The following SCHIP1 variants were observed in gnomAD, a reference collection of about 807,000 sequenced individuals.
SCHIP1 encodes the protein schwannomin interacting protein 1.
Under a neutral mutation model 29.7 loss-of-function variants are expected in SCHIP1, and 8 were observed. The observed-to-expected ratio is 0.27, with a 90% CI of 0.16 to 0.49. The LOEUF is 0.49. Ranked by LOEUF, SCHIP1 falls within the 20% of genes least tolerant of loss-of-function variation. The pLI, the probability that SCHIP1 is intolerant of heterozygous loss-of-function variation, is 0.99. For missense variants in SCHIP1, 193 were observed against 294.6 expected (o/e 0.66, Z 2.52); for synonymous variants, 76 against 94.9 (o/e 0.80, Z 1.16).
At chr3:159,574,785 C>A in the SCHIP1 span, among the ~76,000 whole-genome samples, 1 of 152,238 alleles carries the variant, frequency 6.6e-6, no homozygotes, top group Non-Finnish European at 1.5e-5. Flanking sequence ...AGCTTCCCAG[C>A]CACTATGTTT....
the SCHIP1 span, among the ~76,000 whole-genome samples, chr3:159,384,578 GT>G: frequency 6.6e-6 from 1 of 151,302 alleles, no homozygotes; most frequent in South Asian, 2.1e-4. Flanking sequence ...CTCTTTTTTG[GT>G]TGTGTCTCTG....
the SCHIP1 span, chr3:159,273,848 A>C: frequency 1.9e-6 from 3 of 1,613,592 alleles, no homozygotes; most frequent in Non-Finnish European, 1.7e-6. Flanking sequence ...GCGTGTTACA[A>C]CGTGGGACTG....
At chr3:159,282,708 C>G in the SCHIP1 span, 2 of 145,648 alleles carry the variant, frequency 1.4e-5, no homozygotes, top group Non-Finnish European at 3.1e-5. Context: ...TAGCAGAGAA[C>G]AAAGGACTCA....
At chr3:159,374,497 C>T in the SCHIP1 span, among the ~76,000 whole-genome samples, 6 of 152,086 alleles carry the variant, frequency 3.9e-5, no homozygotes, top group African/African-American at 1.4e-4. Flanking sequence ...TCTTCGGTCA[C>T]TCCACATATC....
chr3:159,728,625 G>T, the SCHIP1 span, among the ~76,000 whole-genome samples: 1 of 152,208 alleles, frequency 6.6e-6, no homozygotes, highest in Non-Finnish European at 1.5e-5. Context: ...AGGCTGGGAT[G>T]GGTTACCTGC....
At chr3:159,677,720 C>A in the SCHIP1 span, among the ~76,000 whole-genome samples, 1 of 152,140 alleles carries the variant, frequency 6.6e-6, no homozygotes, top group Non-Finnish European at 1.5e-5. Flanking sequence ...CTGGGGGGAT[C>A]CTTTTTTTCT....
At chr3:159,389,131 G>A in the SCHIP1 span, among the ~76,000 whole-genome samples, 1 of 151,774 alleles carries the variant, frequency 6.6e-6, no homozygotes, top group Non-Finnish European at 1.5e-5. Context: ...TTTTGGCAAA[G>A]GCTTAATATC....
At chr3:159,278,337 G>C in the SCHIP1 span, among the ~76,000 whole-genome samples, 1 of 152,144 alleles carries the variant, frequency 6.6e-6, no homozygotes, top group Admixed American at 6.6e-5. Flanking sequence ...GAAAAACCCA[G>C]GAGGGAGAGT....
the SCHIP1 span, among the ~76,000 whole-genome samples, chr3:159,612,961 T>C: frequency 6.6e-5 from 10 of 152,226 alleles, no homozygotes; most frequent in Non-Finnish European, 1.0e-4. Context: ...AGTATTAAAT[T>C]CTTTAACAAT....
the SCHIP1 span, among the ~76,000 whole-genome samples, chr3:159,285,903 T>C: frequency 6.6e-6 from 1 of 152,254 alleles, no homozygotes; most frequent in East Asian, 1.9e-4. Flanking sequence ...CCCTATCTCA[T>C]TATTCTCCTT....
At chr3:159,417,413 C>G in the SCHIP1 span, among the ~76,000 whole-genome samples, 1 of 152,108 alleles carries the variant, frequency 6.6e-6, no homozygotes, top group South Asian at 2.1e-4. Context: ...TAATCTTTAT[C>G]CATGGTAAGC....
chr3:159,478,201 G>C, the SCHIP1 span, among the ~76,000 whole-genome samples: 1 of 152,086 alleles, frequency 6.6e-6, no homozygotes, highest in African/African-American at 2.4e-5. Context: ...GGGATTACAG[G>C]CATGAGCCAC....
At chr3:159,456,664 C>T in the SCHIP1 span, among the ~76,000 whole-genome samples, 1 of 152,148 alleles carries the variant, frequency 6.6e-6, no homozygotes, top group Non-Finnish European at 1.5e-5. Context: ...AATAGATGTT[C>T]ATGATGAGAG....
chr3:159,354,194 C>T, the SCHIP1 span, among the ~76,000 whole-genome samples: 3 of 152,176 alleles, frequency 2.0e-5, no homozygotes, highest in Non-Finnish European at 4.4e-5. Context: ...TCCATAATTT[C>T]ACTACATTCT....
chr3:159,675,515 C>T, the SCHIP1 span, among the ~76,000 whole-genome samples: 2 of 152,214 alleles, frequency 1.3e-5, no homozygotes, highest in African/African-American at 4.8e-5. Flanking sequence ...ATGTGCATCA[C>T]TATGAAATCT....
chr3:159,707,236 G>A, the SCHIP1 span, among the ~76,000 whole-genome samples: 1 of 152,194 alleles, frequency 6.6e-6, no homozygotes, highest in Non-Finnish European at 1.5e-5. Flanking sequence ...GGGAAGAGCG[G>A]TCAAGATCAT....
chr3:159,586,408 C>T, the SCHIP1 span, among the ~76,000 whole-genome samples: 7 of 152,262 alleles, frequency 4.6e-5, no homozygotes, highest in East Asian at 1.9e-4. Context: ...TTTTTAAAAA[C>T]GCTATGCTTA....
the SCHIP1 span, among the ~76,000 whole-genome samples, chr3:159,531,317 G>A: frequency 6.6e-6 from 1 of 152,158 alleles, no homozygotes; most frequent in Admixed American, 6.5e-5. Flanking sequence ...TGGGATGCCT[G>A]TCTGCTTTCT....
chr3:159,394,858 T>C, the SCHIP1 span, among the ~76,000 whole-genome samples: 1 of 152,184 alleles, frequency 6.6e-6, no homozygotes, highest in Non-Finnish European at 1.5e-5. Flanking sequence ...TTCCCTCTTT[T>C]TCTATTGATT....
Sources: gnomAD v4.1 joint callset for allele counts (sites outside exome capture counted in the v4.1 genomes callset) on GRCh38, gnomAD v4.1.1 for gene constraint, MANE v1.5 for transcripts, NCBI Gene and HGNC (gene_info 2026-07-23, HGNC 2026-07-21) for gene names.